GTF2A1L: variants seen among roughly 807,000 people sequenced by gnomAD.
GTF2A1L encodes TFIIA-alpha and beta-like factor.
GTF2A1L carries 48 observed loss-of-function variants against 49.7 expected under a neutral mutation model. That is an observed-to-expected ratio of 0.97 (90% CI 0.77 to 1.23). The LOEUF (loss-of-function observed/expected upper bound fraction) is 1.23. Ranked by LOEUF, GTF2A1L falls within the 50% of genes most tolerant of loss-of-function variation. The pLI is 0.00. For missense variants in GTF2A1L, 736 were observed against 564.8 expected (o/e 1.30, Z -3.07); for synonymous variants, 246 against 193.5 (o/e 1.27, Z -2.25).
rs1449714230 is a variant in GTF2A1L at position 48,679,525 on chromosome 2, A to C, written c.*83A>C. On this transcript the variant is annotated 3_prime_UTR_variant, in exon 9 of 9. Transcript: ENST00000403751. ...GTGAATTCATTTTTATTTTGAATATAGTCCAGCACAGAGCTGTTCAAATTT... is the reference window on the plus strand; with the variant it reads ...GTGAATTCATTTTTATTTTGAATATCGTCCAGCACAGAGCTGTTCAAATTT... 6.4e-7 allele frequency: 1 copy of C among 1,567,736 alleles called. No homozygotes were observed. Among genetic ancestry groups the C allele is most frequent in the African/African-American group, 1.4e-5 (1 of 72,422 alleles).
At chr2:48,671,215 G>A (rs941567823) in intron 7 of GTF2A1L, among the ~76,000 whole-genome samples, 5 of 150,742 alleles carry the variant, frequency 3.3e-5, no homozygotes, top group Middle Eastern at 7.2e-3. Flanking sequence ...TTTTGGTTTG[G>A]TTTTTGAGAT....
intron 1 of GTF2A1L, 123 bp from the exon 2 acceptor site, chr2:48,620,728 G>A: frequency 2.0e-6 from 1 of 508,898 alleles, no homozygotes; most frequent in Non-Finnish European, 2.6e-6. Flanking sequence ...AGTGAACTGA[G>A]TTCGTGCCAC....
intron 4 of GTF2A1L, among the ~76,000 whole-genome samples, chr2:48,643,892 T>A (rs1677345725): frequency 6.6e-6 from 1 of 150,438 alleles, no homozygotes. Context: ...TGAGATGGGG[T>A]TTCACCATGT....
intron 6 of GTF2A1L, among the ~76,000 whole-genome samples, chr2:48,655,388 A>G (rs1285633823): frequency 6.6e-6 from 1 of 152,052 alleles, no homozygotes; most frequent in African/African-American, 2.4e-5. Context: ...ACAGAGTCTC[A>G]CTGTGTTATC....
rs150887289 is a variant in GTF2A1L at position 48,638,545 on chromosome 2, C to G, written c.248-3857C>G. On this transcript the variant is annotated intron_variant, in intron 3 of 8. Transcript: ENST00000403751. ...AACAGCCTTTCATGTTAAAAACTCT[C>G]AAGAAACTAGGTATTGAAGGAATAT... Among the ~76,000 whole-genome samples, 6 of 152,222 alleles carry G rather than the reference C, an allele frequency of 3.9e-5. No homozygotes were observed. In the East Asian group the frequency reaches 9.7e-4, roughly 25 times the overall value.
chr2:48,636,480 T>C (rs1038372010), intron 3 of GTF2A1L, among the ~76,000 whole-genome samples: 3 of 152,216 alleles, frequency 2.0e-5, no homozygotes, highest in Non-Finnish European at 4.4e-5. Context: ...AAGTGACCAC[T>C]TGCAAGGTTT....
chr2:48,629,434 C>T (rs13005426), intron 3 of GTF2A1L, among the ~76,000 whole-genome samples: 17,563 of 143,582 alleles, frequency 0.12, 3,108 homozygotes, highest in African/African-American at 0.14. Context: ...TCTTGGGTTC[C>T]AGTCCACCTG....
At chr2:48,643,147 C>T (rs973086518) in intron 4 of GTF2A1L, among the ~76,000 whole-genome samples, 1 of 151,902 alleles carries the variant, frequency 6.6e-6, no homozygotes, top group Non-Finnish European at 1.5e-5. Flanking sequence ...AATGGAGCAA[C>T]ATCATAGTTT....
chr2:48,657,238 G>A (rs1037852153), intron 6 of GTF2A1L, among the ~76,000 whole-genome samples: 1 of 152,074 alleles, frequency 6.6e-6, no homozygotes, highest in African/African-American at 2.4e-5. Flanking sequence ...CAGTTCTTCA[G>A]CCCTTGCCCT....
intron 3 of GTF2A1L, 106 bp downstream of exon 3, chr2:48,621,396 T>A: frequency 3.4e-6 from 5 of 1,469,776 alleles, no homozygotes; most frequent in Non-Finnish European, 3.7e-6. Context: ...TGAGAAGGCT[T>A]GGACACCTAA....
intron 6 of GTF2A1L, among the ~76,000 whole-genome samples, chr2:48,657,965 T>C (rs1009702250): frequency 4.6e-5 from 7 of 152,160 alleles, no homozygotes; most frequent in Non-Finnish European, 8.8e-5. Context: ...TGATTTTTGC[T>C]TGTTGAATTG....
intron 3 of GTF2A1L, among the ~76,000 whole-genome samples, chr2:48,639,314 C>T (rs1166374512): frequency 1.3e-5 from 2 of 152,126 alleles, no homozygotes; most frequent in African/African-American, 4.8e-5. Flanking sequence ...TACAGGGCCA[C>T]AGTAACCAAA....
chr2:48,620,770 C>T, intron 1 of GTF2A1L, 81 bp from the exon 2 acceptor site: 2 of 752,274 alleles, frequency 2.7e-6, no homozygotes, highest in Non-Finnish European at 3.3e-6. Flanking sequence ...GAGCATGACT[C>T]CATCTCAAGA....
chr2:48,629,204 G>A (rs1300026995), intron 3 of GTF2A1L, among the ~76,000 whole-genome samples: 2 of 141,706 alleles, frequency 1.4e-5, no homozygotes, highest in South Asian at 2.4e-4. Flanking sequence ...TCATGTCACC[G>A]CACTCTAGCC....
chr2:48,658,437 C>A (rs1678301628), intron 6 of GTF2A1L, among the ~76,000 whole-genome samples: 1 of 152,142 alleles, frequency 6.6e-6, no homozygotes, highest in African/African-American at 2.4e-5. Flanking sequence ...TTTCTAAGTT[C>A]TCTATTCTGT....
At chr2:48,655,129 A>G (rs867793978) in intron 6 of GTF2A1L, among the ~76,000 whole-genome samples, 8 of 151,978 alleles carry the variant, frequency 5.3e-5, no homozygotes, top group Non-Finnish European at 7.4e-5. Context: ...ATTCATGGAC[A>G]TAAGTTTTTT....
rs575522939 is a variant in GTF2A1L, at chr2:48,629,604, A to G, written c.247+8314A>G. 5.0e-4 allele frequency among the ~76,000 whole-genome samples: 72 copies of G among 144,280 alleles called. 13 individuals carry two copies. The South Asian group carries it at 0.016, about 32-fold the overall frequency. 94.7% of individuals were successfully genotyped at this position (144,280 alleles called of 152,430 possible). A position where few individuals can be genotyped will look rare whatever the true frequency, so the allele number is the denominator to read the frequency against. On this transcript the variant is annotated intron_variant, in intron 3 of 8. Coordinates refer to ENST00000403751, the MANE Select transcript of GTF2A1L (RefSeq NM_006872.5). ...GGCACATAATTAGATACTAGCATAC[A>G]GTTAGATAGATGTGAAGGGAGTATA...
chr2:48,627,392 A>G (rs1262417800), intron 3 of GTF2A1L, among the ~76,000 whole-genome samples: 1 of 144,010 alleles, frequency 6.9e-6, no homozygotes, highest in Non-Finnish European at 1.6e-5. Context: ...ATGTTACAGC[A>G]TACATTGGTT....
intron 6 of GTF2A1L, among the ~76,000 whole-genome samples, chr2:48,651,903 T>C (rs1677872177): frequency 6.6e-6 from 1 of 152,172 alleles, no homozygotes; most frequent in Non-Finnish European, 1.5e-5. Context: ...CGTTTGGCTA[T>C]ATGAAAGACT....
Sources: allele counts gnomAD v4.1 joint callset (sites outside exome capture counted in the v4.1 genomes callset), GRCh38; gene constraint gnomAD v4.1.1; transcripts MANE v1.5; gene names NCBI Gene and HGNC (gene_info 2026-07-23, HGNC 2026-07-21).